IGF2BP3: variants seen among roughly 807,000 people sequenced by gnomAD.
The protein encoded by IGF2BP3 is insulin-like growth factor 2 mRNA-binding protein 3.
IGF2BP3 carries 9 observed loss-of-function variants against 73.8 expected under a neutral mutation model. That is an observed-to-expected ratio of 0.12 (90% CI 0.07 to 0.21). The LOEUF (loss-of-function observed/expected upper bound fraction) is 0.21. IGF2BP3 is among the 10% of genes least tolerant of loss of function. IGF2BP3 has a pLI of 1.00. For synonymous variants in IGF2BP3, 258 were observed against 256.7 expected (o/e 1.01, Z -0.05); for missense variants, 542 against 714.0 (o/e 0.76, Z 2.75).
intron 2 of IGF2BP3, among the ~76,000 whole-genome samples, chr7:23,448,494 C>G (rs1050034887): frequency 2.6e-5 from 4 of 152,208 alleles, no homozygotes; most frequent in Non-Finnish European, 5.9e-5. Flanking sequence ...CTGCAGCTCA[C>G]TGGGCTCAAG....
At position 23,347,713 on chromosome 7, in the gene IGF2BP3, T is replaced by C. The variant is rs759353020; in HGVS notation, c.705A>G (p.Glu235=). 3 of 1,613,982 alleles carry C rather than the reference T, an allele frequency of 1.9e-6. No individual in the cohort carries two copies. The African/African-American group carries it at 4.0e-5, about 22-fold the overall frequency. ...TCGACTTCTCAGCAGCCCCCGCATT[T>C]TCTTTACGGTGGACATCGATTCTGA... ...TQSKIDVHRK[E]NAGAAEKSIT... Residue 235 remains glutamate (E), a synonymous_variant, in exon 7 of 15, where the codon GAA becomes GAG. Transcript: ENST00000258729.
intron 3 of IGF2BP3, among the ~76,000 whole-genome samples, chr7:23,382,365 G>C (rs1168304803): frequency 6.6e-6 from 1 of 151,370 alleles, no homozygotes; most frequent in East Asian, 1.9e-4. Context: ...ACTGTAGTTT[G>C]AGTAAAATGA....
intron 10 of IGF2BP3, among the ~76,000 whole-genome samples, chr7:23,332,760 C>G (rs920151184): frequency 6.6e-5 from 10 of 152,040 alleles, no homozygotes; most frequent in African/African-American, 1.9e-4. Flanking sequence ...ACTGGATAGA[C>G]CAAGTGAATT....
At chr7:23,348,614 C>A (rs553629229) in intron 6 of IGF2BP3, among the ~76,000 whole-genome samples, 1 of 152,204 alleles carries the variant, frequency 6.6e-6, no homozygotes, top group South Asian at 2.1e-4. Context: ...GGGCCAGATT[C>A]TTTGTTGTGG....
intron 11 of IGF2BP3, among the ~76,000 whole-genome samples, chr7:23,318,272 G>C (rs1001578517): frequency 2.0e-5 from 3 of 152,168 alleles, no homozygotes; most frequent in Non-Finnish European, 2.9e-5. Context: ...GCCTAGGCTG[G>C]AGTGCAGTGG....
intron 6 of IGF2BP3, among the ~76,000 whole-genome samples, chr7:23,348,323 G>A (rs1460691248): frequency 1.3e-5 from 2 of 152,154 alleles, no homozygotes; most frequent in African/African-American, 4.8e-5. Flanking sequence ...TCAAAATGAT[G>A]TTTAATTTCA....
chr7:23,414,369 T>C (rs1457556213), intron 3 of IGF2BP3: 1 of 152,112 alleles, frequency 6.6e-6, no homozygotes, highest in African/African-American at 2.4e-5. Context: ...ATAACATAAA[T>C]AATAAAGATC....
intron 2 of IGF2BP3, among the ~76,000 whole-genome samples, chr7:23,459,229 T>A (rs143747143): frequency 6.6e-6 from 1 of 152,186 alleles, no homozygotes; most frequent in Non-Finnish European, 1.5e-5. Context: ...TCACCCAGTT[T>A]TTGATTAATA....
chr7:23,322,155 A>C (rs2128493877), intron 10 of IGF2BP3, among the ~76,000 whole-genome samples: 1 of 152,326 alleles, frequency 6.6e-6, no homozygotes, highest in East Asian at 1.9e-4. Context: ...CCAAAGGCAA[A>C]GAAGTTGAAA....
intron 3 of IGF2BP3, among the ~76,000 whole-genome samples, chr7:23,410,187 A>G (rs1786974816): frequency 6.6e-6 from 1 of 151,930 alleles, no homozygotes; most frequent in Non-Finnish European, 1.5e-5. Flanking sequence ...TTTTAAAAAT[A>G]AAGATACAAA....
In IGF2BP3 at chr7:23,470,262, A is replaced by C; in HGVS notation, c.-152T>G. On this transcript the variant is annotated 5_prime_UTR_variant, in exon 1 of 15. Transcript: ENST00000258729. ...GTAAGAACCAAGCACAAGAACGAGG[A>C]GTGAAAAATCAGATCCGAGGCTTGT... 1.8e-6 allele frequency: 1 copy of C among 563,954 alleles called. No individual in the cohort carries two copies. Among genetic ancestry groups the C allele is most frequent in the South Asian group, 2.8e-5 (1 of 36,102 alleles). The allele number at this position is 563,954 out of a possible 1,614,324, so 34.9% of individuals were successfully genotyped here. A position where few individuals can be genotyped will look rare whatever the true frequency, so the allele number is the denominator to read the frequency against.
intron 3 of IGF2BP3, among the ~76,000 whole-genome samples, chr7:23,403,346 T>C (rs1786727485): frequency 6.6e-6 from 1 of 152,238 alleles, no homozygotes; most frequent in South Asian, 2.1e-4. Flanking sequence ...ACTCTGATCA[T>C]GCCTAAGTAT....
chr7:23,368,910 A>T (rs1399968306), intron 3 of IGF2BP3, among the ~76,000 whole-genome samples: 1 of 152,064 alleles, frequency 6.6e-6, no homozygotes, highest in Non-Finnish European at 1.5e-5. Flanking sequence ...AAAAAAAAGA[A>T]AAAAAAACTT....
intron 5 of IGF2BP3, among the ~76,000 whole-genome samples, chr7:23,358,637 T>C (rs1371300844): frequency 2.0e-5 from 3 of 152,248 alleles, no homozygotes; most frequent in African/African-American, 7.2e-5. Context: ...CAGGGCTACC[T>C]GACTTTGGTG....
chr7:23,462,249 T>C (rs1373552867), intron 2 of IGF2BP3, among the ~76,000 whole-genome samples: 1 of 152,170 alleles, frequency 6.6e-6, no homozygotes, highest in Non-Finnish European at 1.5e-5. Flanking sequence ...TGATATACCA[T>C]AACCACAATA....
intron 8 of IGF2BP3, 58 bp from the exon 9 acceptor site, chr7:23,343,911 T>C: frequency 1.9e-6 from 3 of 1,566,724 alleles, no homozygotes; most frequent in East Asian, 2.3e-5. Context: ...AGACAGCTAA[T>C]AATTCAGCCA....
At chr7:23,456,444 G>A (rs1353206273) in intron 2 of IGF2BP3, among the ~76,000 whole-genome samples, 2 of 152,182 alleles carry the variant, frequency 1.3e-5, no homozygotes, top group Non-Finnish European at 2.9e-5. Flanking sequence ...AGAAACTACT[G>A]TTAGTTTCTG....
At chr7:23,427,499 A>G (rs1787546067) in intron 2 of IGF2BP3, among the ~76,000 whole-genome samples, 1 of 152,166 alleles carries the variant, frequency 6.6e-6, no homozygotes, top group South Asian at 2.1e-4. Flanking sequence ...TAATCCCAGC[A>G]CTTTGGGAGA....
At chr7:23,340,219 G>A (rs892924244) in intron 10 of IGF2BP3, among the ~76,000 whole-genome samples, 4 of 152,086 alleles carry the variant, frequency 2.6e-5, no homozygotes, top group African/African-American at 9.7e-5. Context: ...ATGAATCTAT[G>A]CACACTTCAC....
Sources: allele counts gnomAD v4.1 joint callset (sites outside exome capture counted in the v4.1 genomes callset), GRCh38; gene constraint gnomAD v4.1.1; transcripts MANE v1.5; gene names NCBI Gene and HGNC (gene_info 2026-07-23, HGNC 2026-07-21).